ROBO1: variants seen among roughly 807,000 people sequenced by gnomAD.
ROBO1 encodes the protein roundabout homolog 1.
In ROBO1, 149 loss-of-function variants were observed where a neutral mutation model predicts 195.9. The ratio of observed to expected loss-of-function variants is 0.76; its 90% CI spans 0.67 to 0.87. The LOEUF (loss-of-function observed/expected upper bound fraction) is 0.87. ROBO1 is among the 40% of genes least tolerant of loss of function. ROBO1 has a pLI of 0.00. For synonymous variants in ROBO1, 816 were observed against 733.2 expected (o/e 1.11, Z -1.82); for missense variants, 1,933 against 2,068.3 (o/e 0.93, Z 1.27).
chr3:79,300,786 ACCCTG>A (rs2032901110), intron 2 of ROBO1, among the ~76,000 whole-genome samples: 1 of 152,042 alleles, frequency 6.6e-6, no homozygotes, highest in Non-Finnish European at 1.5e-5. Flanking sequence ...ACCAATCAGC[ACCCTG>A]TGTCTAGCTC....
intron 26 of ROBO1, among the ~76,000 whole-genome samples, chr3:78,619,401 A>T (rs1161522403): frequency 6.6e-6 from 1 of 151,920 alleles, no homozygotes; most frequent in Non-Finnish European, 1.5e-5. Context: ...GCAAATGCCT[A>T]GAGATGGTGC....
chr3:79,713,911 T>A (rs191754148), intron 1 of ROBO1, among the ~76,000 whole-genome samples: 1 of 152,140 alleles, frequency 6.6e-6, no homozygotes, highest in East Asian at 1.9e-4. Context: ...TGTAGATATG[T>A]GGCATTATTT....
At chr3:79,454,090 G>T (rs2039534934) in intron 2 of ROBO1, among the ~76,000 whole-genome samples, 1 of 150,800 alleles carries the variant, frequency 6.6e-6, no homozygotes. Context: ...TAAAAATTAG[G>T]TGTTTTGGTG....
At chr3:78,624,113 A>G (rs2107455382) in intron 26 of ROBO1, among the ~76,000 whole-genome samples, 1 of 152,326 alleles carries the variant, frequency 6.6e-6, no homozygotes, top group South Asian at 2.1e-4. Flanking sequence ...TAACAACGTG[A>G]AAAAATGCTG....
intron 1 of ROBO1, among the ~76,000 whole-genome samples, chr3:79,662,266 T>C (rs1192636141): frequency 6.6e-6 from 1 of 152,094 alleles, no homozygotes; most frequent in Non-Finnish European, 1.5e-5. Context: ...TTCTTCATGA[T>C]TGAGATCTCC....
intron 3 of ROBO1, among the ~76,000 whole-genome samples, chr3:78,944,507 G>A (rs960217500): frequency 2.0e-5 from 3 of 152,148 alleles, no homozygotes; most frequent in Non-Finnish European, 2.9e-5. Context: ...GTTCTTTGGG[G>A]ATAGAAGAAA....
rs567681749 is a variant in ROBO1 at position 78,842,730 on chromosome 3, A to T, written c.500-95830T>A. On this transcript the variant is annotated intron_variant, in intron 4 of 30. Transcript: ENST00000464233. Reference sequence around the variant, plus strand: ...AATAACTTTTGGTTAGTTTTTTTTTAAAAAATGAGAACTATCTTGCCTTGC... The same window carrying T: ...AATAACTTTTGGTTAGTTTTTTTTTTAAAAATGAGAACTATCTTGCCTTGC... Among the ~76,000 whole-genome samples the T allele has an allele frequency of 3.2e-3, 490 of 151,366 alleles. 1 individual carries two copies. The highest frequency in any genetic ancestry group is 9.7e-3 in the African/African-American group (401 of 41,354).
chr3:79,258,312 G>A (rs1390036814), intron 2 of ROBO1, among the ~76,000 whole-genome samples: 2 of 152,036 alleles, frequency 1.3e-5, no homozygotes, highest in Admixed American at 6.6e-5. Context: ...TGTGAAATAT[G>A]TTCTAATTCA....
chr3:79,282,068 A>T (rs1018059809), intron 2 of ROBO1, among the ~76,000 whole-genome samples: 4 of 152,344 alleles, frequency 2.6e-5, no homozygotes, highest in Middle Eastern at 3.4e-3. Context: ...AGTGGTCTAC[A>T]GGTAGGGACA....
At chr3:78,945,335 A>G (rs2040371706) in intron 3 of ROBO1, among the ~76,000 whole-genome samples, 1 of 152,128 alleles carries the variant, frequency 6.6e-6, no homozygotes, top group South Asian at 2.1e-4. Flanking sequence ...CAGAGGAACA[A>G]TCAGACAGCA....
intron 2 of ROBO1, among the ~76,000 whole-genome samples, chr3:79,319,481 T>C (rs1029985372): frequency 1.3e-5 from 2 of 152,166 alleles, no homozygotes; most frequent in African/African-American, 2.4e-5. Flanking sequence ...AGGTTCCCTG[T>C]TTATCAAGTA....
intron 7 of ROBO1, among the ~76,000 whole-genome samples, chr3:78,715,490 C>T (rs551359658): frequency 1.5e-3 from 221 of 152,266 alleles, no homozygotes; most frequent in African/African-American, 5.0e-3. Flanking sequence ...AGCCTCTCCC[C>T]AGAATAATGT....
chr3:79,718,405 G>C (rs1219750299), intron 1 of ROBO1, among the ~76,000 whole-genome samples: 1 of 151,794 alleles, frequency 6.6e-6, no homozygotes, highest in Non-Finnish European at 1.5e-5. Context: ...TTTGCATTTA[G>C]CTTTGACTTT....
chr3:78,950,071 A>G (rs1417609080), intron 3 of ROBO1, among the ~76,000 whole-genome samples: 1 of 152,160 alleles, frequency 6.6e-6, no homozygotes, highest in Non-Finnish European at 1.5e-5. Context: ...TGGGACTGTA[A>G]ACTAGTTCAA....
At chr3:78,981,817 AC>A (rs1316490343) in intron 3 of ROBO1, among the ~76,000 whole-genome samples, 4 of 151,788 alleles carry the variant, frequency 2.6e-5, no homozygotes, top group African/African-American at 9.7e-5. Context: ...ACACACACAC[AC>A]ACACACAAAA....
At chr3:79,372,728 C>A (rs79824184) in intron 2 of ROBO1, among the ~76,000 whole-genome samples, 2,824 of 152,242 alleles carry the variant, frequency 0.019, 66 homozygotes, top group African/African-American at 0.063. Flanking sequence ...TGATCTTGGA[C>A]TCTCCAGTTT....
chr3:78,660,977 A>T (rs780295437), intron 16 of ROBO1, 53 bp downstream of exon 16: 24 of 1,220,336 alleles, frequency 2.0e-5, no homozygotes, highest in Non-Finnish European at 2.6e-5. Flanking sequence ...AGCTAATAAA[A>T]TTCTAACAAA....
Position 78,597,610 on chromosome 3 carries a change from A to AATC in ROBO1, c.*1300_*1302dup, listed in dbSNP as rs1702905073. 6.6e-6 allele frequency: 1 copy of AATC among 152,306 alleles called. No homozygotes were observed. The allele number at this position is 152,306 out of a possible 1,614,324, so 9.4% of individuals were successfully genotyped here. On this transcript the variant is annotated 3_prime_UTR_variant, in exon 31 of 31. Transcript: ENST00000464233. ...TAAAATGACAAAAAAGGATCATAGAAATCTACTAGTCAGAGGGCATCATTT... is the reference window on the plus strand; with the variant it reads ...TAAAATGACAAAAAAGGATCATAGAAATCATCTACTAGTCAGAGGGCATCATTT...
intron 2 of ROBO1, among the ~76,000 whole-genome samples, chr3:79,530,154 ATCT>A (rs2107607939): frequency 6.6e-6 from 1 of 152,290 alleles, no homozygotes; most frequent in African/African-American, 2.4e-5. Context: ...TAATATAGTA[ATCT>A]TCATAATCAC....
Sources: gnomAD v4.1 joint callset for allele counts (sites outside exome capture counted in the v4.1 genomes callset) on GRCh38, gnomAD v4.1.1 for gene constraint, MANE v1.5 for transcripts, NCBI Gene and HGNC (gene_info 2026-07-23, HGNC 2026-07-21) for gene names.